The following INTS4 variants were observed in gnomAD, a reference collection of about 807,000 sequenced individuals.
INTS4 encodes MSTP093.
In INTS4, 70 loss-of-function variants were observed where a neutral mutation model predicts 119.5. The observed-to-expected ratio is 0.59, with a 90% CI of 0.48 to 0.71. INTS4 has a LOEUF of 0.71. INTS4 is among the 30% of genes least tolerant of loss of function. The pLI is 0.00. For synonymous variants in INTS4, 316 were observed against 419.6 expected, an observed-to-expected ratio of 0.75 and a Z score of 3.02; for missense variants, 867 against 1,173.2, an observed-to-expected ratio of 0.74 and a Z score of 3.81.
chr11:77,946,322 T>C (rs920953379), intron 8 of INTS4, among the ~76,000 whole-genome samples: 35 of 151,938 alleles, frequency 2.3e-4, no homozygotes, highest in African/African-American at 8.0e-4. Flanking sequence ...CCTAAAACCA[T>C]CTACAGAAAA....
chr11:77,934,394 TAAAA>T (rs57661146), intron 10 of INTS4, among the ~76,000 whole-genome samples: 1 of 125,394 alleles, frequency 8.0e-6, no homozygotes. Flanking sequence ...CAATAAATAC[TAAAA>T]AAAAAAAAAA....
At chr11:77,992,333 G>A (rs1292647381) in intron 1 of INTS4, among the ~76,000 whole-genome samples, 1 of 152,098 alleles carries the variant, frequency 6.6e-6, no homozygotes, top group South Asian at 2.1e-4. Flanking sequence ...AGAAGTTGCA[G>A]TGAGCTAGGA....
intron 15 of INTS4, among the ~76,000 whole-genome samples, chr11:77,911,642 C>A (rs1174947444): frequency 6.6e-6 from 1 of 152,192 alleles, no homozygotes; most frequent in African/African-American, 2.4e-5. Flanking sequence ...AACTTGTTAG[C>A]TCTGGGAAAA....
chr11:77,973,798 T>C (rs1855829936), intron 4 of INTS4, among the ~76,000 whole-genome samples: 1 of 152,232 alleles, frequency 6.6e-6, no homozygotes. Context: ...AAATCCCACT[T>C]GATTATGGTA....
chr11:77,951,332 A>T (rs576875349), intron 8 of INTS4, among the ~76,000 whole-genome samples: 1 of 152,212 alleles, frequency 6.6e-6, no homozygotes, highest in Non-Finnish European at 1.5e-5. Flanking sequence ...CCAATGGAAC[A>T]GAACAGAACC....
At chr11:77,940,625 T>C (rs1334921314) in intron 9 of INTS4, among the ~76,000 whole-genome samples, 1 of 152,030 alleles carries the variant, frequency 6.6e-6, no homozygotes, top group Non-Finnish European at 1.5e-5. Context: ...CTGGGGTTTT[T>C]TGGTTGTTGT....
At chr11:77,918,129 A>G in intron 15 of INTS4, 1 of 702,218 alleles carries the variant, frequency 1.4e-6, no homozygotes, top group Non-Finnish European at 2.6e-6. Flanking sequence ...GAAGATGAAG[A>G]CAGAAGAAAG....
chr11:77,953,836 G>A (rs1338353676), intron 8 of INTS4, among the ~76,000 whole-genome samples: 7 of 151,588 alleles, frequency 4.6e-5, no homozygotes, highest in African/African-American at 1.7e-4. Flanking sequence ...TGCCCGCTTC[G>A]GCCTCCCAAA....
chr11:77,895,107 A>G (rs1417499470), intron 18 of INTS4, among the ~76,000 whole-genome samples: 6 of 150,834 alleles, frequency 4.0e-5, no homozygotes, highest in South Asian at 2.1e-4. Context: ...ACAGTACTTG[A>G]GAACATTTCA....
At chr11:77,945,110 G>A (rs1316994191) in intron 8 of INTS4, among the ~76,000 whole-genome samples, 1 of 152,246 alleles carries the variant, frequency 6.6e-6, no homozygotes, top group Non-Finnish European at 1.5e-5. Context: ...CCACAGGGAA[G>A]GGAGTGAGGT....
intron 3 of INTS4, among the ~76,000 whole-genome samples, chr11:77,980,050 T>C (rs1259967061): frequency 6.7e-6 from 1 of 149,724 alleles, no homozygotes; most frequent in Non-Finnish European, 1.5e-5. Flanking sequence ...AGTCCAAATA[T>C]CCTAGAAGGC....
chr11:77,931,580 C>T (rs1953650195), intron 10 of INTS4, among the ~76,000 whole-genome samples: 2 of 152,020 alleles, frequency 1.3e-5, no homozygotes, highest in South Asian at 2.1e-4. Context: ...ATCTCATGTA[C>T]CCCTTAAATA....
chr11:77,912,830 TCTAC>T (rs1267640690), intron 15 of INTS4, among the ~76,000 whole-genome samples: 1 of 152,312 alleles, frequency 6.6e-6, no homozygotes, highest in Admixed American at 6.5e-5. Context: ...CAATAGGTGC[TCTAC>T]CTAAAAGACA....
chr11:77,891,773 G>A lies in INTS4; in HGVS notation c.2356C>T (p.Arg786Ter), dbSNP rs758063645. 29 of 1,611,844 alleles carry A rather than the reference G, an allele frequency of 1.8e-5. No individual in the cohort carries two copies. The highest frequency in any genetic ancestry group is 4.5e-5 in the East Asian group (2 of 44,890). The change falls in exon 20 of 23, where the codon CGA becomes TGA. Residue 786 changes from arginine to a stop codon, truncating the protein, a stop_gained. Coordinates refer to ENST00000534064, the MANE Select transcript of INTS4 (RefSeq NM_033547.4). LOFTEE classifies it high-confidence loss of function. Reference protein sequence around the residue: ...FVDKLLDLMPRLMTSKPAEVV... With the variant: ...FVDKLLDLMP Reference sequence around the variant, plus strand: ...TCTGCAGGTTTGGATGTCATGAGTCGGGGCATAAGGTCAAGGAGTTTGTCC... The same window carrying A: ...TCTGCAGGTTTGGATGTCATGAGTCAGGGCATAAGGTCAAGGAGTTTGTCC...
At chr11:77,993,724 C>T (rs1856790099) in intron 1 of INTS4, among the ~76,000 whole-genome samples, 1 of 152,068 alleles carries the variant, frequency 6.6e-6, no homozygotes, top group African/African-American at 2.4e-5. Flanking sequence ...ATGCTCTAAG[C>T]CTTGCCACTC....
intron 15 of INTS4, among the ~76,000 whole-genome samples, chr11:77,908,277 G>A (rs1407822385): frequency 3.3e-5 from 5 of 150,966 alleles, no homozygotes; most frequent in South Asian, 4.2e-4. Flanking sequence ...TGTGCAGAAC[G>A]TGCAGGTTTG....
chr11:77,926,035 TTTTG>T (rs1410758694), intron 11 of INTS4, among the ~76,000 whole-genome samples: 2 of 152,334 alleles, frequency 1.3e-5, no homozygotes, highest in East Asian at 3.9e-4. Flanking sequence ...TCTGAAATCA[TTTTG>T]TTTGTTTACT....
intron 10 of INTS4, among the ~76,000 whole-genome samples, chr11:77,932,088 T>C (rs1466460717): frequency 4.6e-5 from 7 of 152,092 alleles, no homozygotes; most frequent in Non-Finnish European, 1.0e-4. Context: ...AACTGACAAA[T>C]GGGATCTAAT....
Position 77,974,404 on chromosome 11 carries a change from G to A in INTS4, c.471+4592C>T, listed in dbSNP as rs749915588. Among the ~76,000 whole-genome samples, 19 of 151,184 alleles carry A rather than the reference G, an allele frequency of 1.3e-4. 1 individual carries two copies. The highest frequency in any genetic ancestry group is 2.1e-4 in the Non-Finnish European group (14 of 67,830). ...ATTACAGGCACGCACCACCATACCC[G>A]ACTAATTTTTGTATTTTTAGTAGAG... On this transcript the variant is annotated intron_variant, in intron 4 of 22. Transcript: ENST00000534064.
Sources: allele counts gnomAD v4.1 joint callset (sites outside exome capture counted in the v4.1 genomes callset), GRCh38; gene constraint gnomAD v4.1.1; transcripts MANE v1.5; gene names NCBI Gene and HGNC (gene_info 2026-07-23, HGNC 2026-07-21).